LCORL: variants seen among roughly 807,000 people sequenced by gnomAD.
The protein encoded by LCORL is ligand-dependent nuclear receptor corepressor-like protein.
A neutral mutation model predicts 141.8 loss-of-function variants in LCORL; 41 were observed. The observed-to-expected ratio is 0.29, with a 90% confidence interval of 0.23 to 0.38. The LOEUF (loss-of-function observed/expected upper bound fraction) is 0.38, where lower values mean the gene tolerates loss of function less well. Among genes scored for constraint, LCORL ranks in the 10% least tolerant of loss-of-function variants. The pLI, the probability that LCORL is intolerant of heterozygous loss-of-function variation, is 1.00. For synonymous variants in LCORL, 618 were observed against 694.1 expected, an observed-to-expected ratio of 0.89 and a Z score of 1.72; for missense variants, 1,759 against 2,035.0, an observed-to-expected ratio of 0.86 and a Z score of 2.61.
At chr4:17,876,135 G>A (rs988611742) in exon 7 of LCORL, 1 of 1,230,722 alleles carries the variant, frequency 8.1e-7, no homozygotes, top group African/African-American at 1.6e-5. Flanking sequence ...GTTGGAAACA[G>A]ATGAACTTTC....
chr4:17,843,659 C>T (rs1722647797), exon 8 of LCORL: 1 of 321,822 alleles, frequency 3.1e-6, no homozygotes, highest in African/African-American at 2.1e-5. Context: ...TGAGGTGGGC[C>T]TAGGAATCTC....
chr4:17,883,287 T>G (rs1727820984), intron 6 of LCORL: 72 of 989,580 alleles, frequency 7.3e-5, no homozygotes, highest in Non-Finnish European at 8.5e-5. Flanking sequence ...GTTAAGTCTG[T>G]TGTATAGAAT....
chr4:17,861,812 T>A (rs1342355809), intron 7 of LCORL, among the ~76,000 whole-genome samples: 1 of 152,202 alleles, frequency 6.6e-6, no homozygotes, highest in African/African-American at 2.4e-5. Context: ...AAGTTCAAAG[T>A]TCCATAAATC....
At chr4:18,003,140 G>A (rs956263515) in intron 1 of LCORL, among the ~76,000 whole-genome samples, 8 of 152,108 alleles carry the variant, frequency 5.3e-5, no homozygotes, top group Admixed American at 2.0e-4. Context: ...CCATATCTCC[G>A]TGCTTTTGTC....
chr4:17,918,816 C>G (rs1733859273), intron 4 of LCORL, among the ~76,000 whole-genome samples: 1 of 151,810 alleles, frequency 6.6e-6, no homozygotes, highest in African/African-American at 2.4e-5. Flanking sequence ...GGCAATGCCC[C>G]CAATTTGAAG....
intron 4 of LCORL, among the ~76,000 whole-genome samples, chr4:17,956,181 G>A (rs1461075953): frequency 6.6e-6 from 1 of 152,104 alleles, no homozygotes; most frequent in Non-Finnish European, 1.5e-5. Flanking sequence ...CTTGTGTGAA[G>A]AGGAAAGGCA....
chr4:17,861,728 AG>A (rs1725037835), intron 7 of LCORL, among the ~76,000 whole-genome samples: 1 of 152,250 alleles, frequency 6.6e-6, no homozygotes, highest in Non-Finnish European at 1.5e-5. Flanking sequence ...TGCCTTTAAC[AG>A]CACCCAAGTT....
intron 7 of LCORL, among the ~76,000 whole-genome samples, chr4:17,848,758 G>A (rs1012362393): frequency 6.6e-6 from 1 of 152,216 alleles, no homozygotes; most frequent in African/African-American, 2.4e-5. Flanking sequence ...CAAGGGGTCA[G>A]GGAGTTCCCT....
intron 2 of LCORL, among the ~76,000 whole-genome samples, chr4:17,968,750 A>G (rs192662970): frequency 6.6e-6 from 1 of 152,358 alleles, no homozygotes; most frequent in African/African-American, 2.4e-5. Context: ...AAACTTTATT[A>G]ACTGAAAAAT....
chr4:18,005,633 C>A lies in LCORL; in HGVS notation c.154+15965G>T, dbSNP rs189159057. On this transcript the variant is annotated intron_variant, in intron 1 of 7. Transcript: ENST00000635767. ...AAATCTAGGCAGAGGTTCCCCTAAA[C>A]CTAATTCTTGACTTCTGTGCACTCA... Among the ~76,000 whole-genome samples the A allele has an allele frequency of 2.3e-3, 348 of 152,354 alleles. 1 individual carries two copies. The highest frequency in any genetic ancestry group is 4.2e-3 in the Non-Finnish European group (283 of 68,026).
At chr4:17,871,131 G>C (rs372225979) in intron 7 of LCORL, among the ~76,000 whole-genome samples, 1 of 151,310 alleles carries the variant, frequency 6.6e-6, no homozygotes, top group Admixed American at 6.6e-5. Context: ...AAGGCAAAAA[G>C]AAGTATGAGA....
intron 4 of LCORL, chr4:17,960,107 T>G (rs893987184): frequency 6.5e-6 from 1 of 153,180 alleles, no homozygotes; most frequent in Non-Finnish European, 1.5e-5. Flanking sequence ...TTTAATTAAA[T>G]CTGGAAAGTG....
At chr4:17,963,005 A>G in exon 3 of LCORL, 1 of 1,597,636 alleles carries the variant, frequency 6.3e-7, no homozygotes, top group Non-Finnish European at 8.5e-7. Context: ...CAAAATGAAC[A>G]TTTTTCATCC....
intron 4 of LCORL, among the ~76,000 whole-genome samples, chr4:17,935,449 G>A (rs1185378464): frequency 6.6e-6 from 1 of 152,154 alleles, no homozygotes; most frequent in African/African-American, 2.4e-5. Flanking sequence ...GTTGGAGATG[G>A]GTCTAGTGGG....
intron 1 of LCORL, among the ~76,000 whole-genome samples, chr4:17,980,579 A>G (rs1162908235): frequency 6.6e-6 from 1 of 152,174 alleles, no homozygotes. Flanking sequence ...CTTATCTCTA[A>G]AATTAGCTTG....
intron 1 of LCORL, among the ~76,000 whole-genome samples, chr4:17,996,983 T>C (rs905360037): frequency 6.6e-6 from 1 of 152,146 alleles, no homozygotes; most frequent in African/African-American, 2.4e-5. Context: ...ATTCCGTAAG[T>C]AAATTATATG....
chr4:17,905,104 G>GT (rs955698833), intron 5 of LCORL, among the ~76,000 whole-genome samples: 5 of 152,084 alleles, frequency 3.3e-5, no homozygotes, highest in African/African-American at 1.2e-4. Flanking sequence ...TATTGCAAAT[G>GT]TAACTTTTTT....
intron 4 of LCORL, among the ~76,000 whole-genome samples, chr4:17,930,501 C>A (rs1349910339): frequency 6.6e-6 from 1 of 152,084 alleles, no homozygotes; most frequent in African/African-American, 2.4e-5. Context: ...GGATTTAAAC[C>A]TAGGATATAT....
intron 1 of LCORL, among the ~76,000 whole-genome samples, chr4:17,978,530 G>T (rs1440962825): frequency 6.6e-6 from 1 of 150,888 alleles, no homozygotes; most frequent in Non-Finnish European, 1.5e-5. Flanking sequence ...CCAGAAATTG[G>T]AGTCTGAAGT....
Sources: allele counts gnomAD v4.1 joint callset (sites outside exome capture counted in the v4.1 genomes callset), GRCh38; gene constraint gnomAD v4.1.1; transcripts MANE v1.5; gene names NCBI Gene and HGNC (gene_info 2026-07-23, HGNC 2026-07-21).